Variants in HMGA1 observed in about 807,000 individuals in gnomAD.
HMGA1 encodes high mobility group protein HMG-I/HMG-Y.
A neutral mutation model predicts 15.1 loss-of-function variants in HMGA1; 1 was observed. The observed-to-expected ratio is 0.07, with a 90% confidence interval of 0.02 to 0.31. The LOEUF (loss-of-function observed/expected upper bound fraction) is 0.31, where lower values mean the gene tolerates loss of function less well. Among genes scored for constraint, HMGA1 ranks in the 10% least tolerant of loss-of-function variants. The probability of loss-of-function intolerance (pLI) is 1.00; values close to 1 mark genes in which losing one functional copy is unlikely to be tolerated. For missense variants in HMGA1, 94 were observed against 141.4 expected, an observed-to-expected ratio of 0.66 and a Z score of 1.70; for synonymous variants, 56 against 54.8, an observed-to-expected ratio of 1.02 and a Z score of -0.10.
At position 34,244,823 on chromosome 6, in the gene HMGA1, C is replaced by T; in HGVS notation, c.271-8C>T. ...CAGAGCTCACACCAACAACTGCCCA[C>T]CTCACAGGAGAAGGAGGAAGAGGAG... On this transcript the variant is annotated splice_region_variant and splice_polypyrimidine_tract_variant and intron_variant, in intron 5 of 5. Transcript: ENST00000311487. 2 of 1,570,226 alleles carry T rather than the reference C, an allele frequency of 1.3e-6. No homozygotes were observed. Among genetic ancestry groups the T allele is most frequent in the Non-Finnish European group, 8.6e-7 (1 of 1,157,926 alleles).
chr6:34,240,544 T>G (rs1289904510), intron 2 of HMGA1, 193 bp from the exon 3 acceptor site: 1 of 541,620 alleles, frequency 1.8e-6, no homozygotes, highest in African/African-American at 1.9e-5. Context: ...AGAAGCTGAT[T>G]AGGGCCAACG....
rs1022696724 is a variant in HMGA1 at position 34,238,390 on chromosome 6, C to T, written c.-45+1073C>T. ...TAGCCCTAGCCGCTAGGCGGGTAGG[C>T]AAAGTGTCGGGTTGAAAGGGTCTCC... is the stretch of plus-strand genomic sequence containing the variant. On this transcript the variant is annotated intron_variant, in intron 2 of 5. Transcript: ENST00000311487. Among the ~76,000 whole-genome samples, 9 of 152,160 alleles carry T rather than the reference C, an allele frequency of 5.9e-5. 1 individual carries two copies. Among genetic ancestry groups the T allele is most frequent in the Admixed American group, 5.2e-4 (8 of 15,282 alleles).
chr6:34,240,587 G>A (rs1355519950), intron 2 of HMGA1, 150 bp from the exon 3 acceptor site: 2 of 656,386 alleles, frequency 3.0e-6, no homozygotes, highest in East Asian at 2.8e-5. Flanking sequence ...ATCTGGGGGT[G>A]GGCAGACCCC....
rs551445336 is a variant in HMGA1 at position 34,244,709 on chromosome 6, T to A, written c.271-122T>A. Reference sequence around the variant, plus strand: ...GGAGGTTGCTGAGTCACCCACACACTCAGCCCTGACTCATCCCTCTTCAGG... The same window carrying A: ...GGAGGTTGCTGAGTCACCCACACACACAGCCCTGACTCATCCCTCTTCAGG... On this transcript the variant is annotated intron_variant, in intron 5 of 5. Coordinates refer to ENST00000311487, the MANE Select transcript of HMGA1 (RefSeq NM_145899.3). 6.2e-6 allele frequency: 5 copies of A among 800,068 alleles called. No homozygotes were observed. In the East Asian group the frequency reaches 1.1e-4, roughly 17 times the overall value. The allele number at this position is 800,068 out of a possible 1,614,324, so 49.6% of individuals were successfully genotyped here.
rs368629388 is a variant in HMGA1 at position 34,240,935 on chromosome 6, C to G, written c.135+20C>G. 6.8e-6 allele frequency: 11 copies of G among 1,613,562 alleles called. No individual in the cohort carries two copies. Among genetic ancestry groups the G allele is most frequent in the Non-Finnish European group, 8.5e-6 (10 of 1,179,586 alleles). ...AGTCAGGTGGGTGTCCAAACCTTTG[C>G]TTCACTTGGTTTACCCTTTGGGGCT... On this transcript the variant is annotated intron_variant, in intron 3 of 5. Coordinates refer to ENST00000311487, the MANE Select transcript of HMGA1 (RefSeq NM_145899.3).
intron 2 of HMGA1, among the ~76,000 whole-genome samples, chr6:34,238,512 C>G (rs914620118): frequency 9.2e-5 from 14 of 152,284 alleles, no homozygotes; most frequent in African/African-American, 3.4e-4. Flanking sequence ...GGGAAGAAAA[C>G]AAGGGAACCC....
chr6:34,239,329 G>A lies in HMGA1; in HGVS notation c.-44-1408G>A, dbSNP rs143088602. On this transcript the variant is annotated intron_variant, in intron 2 of 5. Coordinates refer to ENST00000311487, the MANE Select transcript of HMGA1 (RefSeq NM_145899.3). ...CCACCGTATTGTCCAGGCTGGTCTC[G>A]AACTCCTGACCTCAAGCAGTCCTCC... is the stretch of plus-strand genomic sequence containing the variant. Among the ~76,000 whole-genome samples, 956 of 150,516 alleles carry A rather than the reference G, an allele frequency of 6.4e-3. 6 individuals are homozygous for A. The highest frequency in any genetic ancestry group is 0.02 in the African/African-American group (837 of 40,940).
chr6:34,241,066 C>G, intron 3 of HMGA1, 151 bp downstream of exon 3: 4 of 882,068 alleles, frequency 4.5e-6, no homozygotes. Flanking sequence ...TGTGTGTACT[C>G]CTGCCCCACT....
rs1167376993 is a variant in HMGA1 at position 34,245,326 on chromosome 6, A to C, written c.*442A>C. The C allele has an allele frequency of 7.3e-7, 1 of 1,367,354 alleles. No homozygotes were observed. The highest frequency in any genetic ancestry group is 2.2e-5 in the Admixed American group (1 of 45,788). The allele number at this position is 1,367,354 out of a possible 1,614,324, so 84.7% of individuals were successfully genotyped here. On this transcript the variant is annotated 3_prime_UTR_variant, in exon 6 of 6. Transcript: ENST00000311487. Reference sequence around the variant, plus strand: ...CCTGGGAGGGTTCCCCTGGCCTTAAAAGGGGCCCAAGCCCCATCTCATCCT... The same window carrying C: ...CCTGGGAGGGTTCCCCTGGCCTTAACAGGGGCCCAAGCCCCATCTCATCCT...
At position 34,245,414 on chromosome 6, in the gene HMGA1, C is replaced by A; in HGVS notation, c.*530C>A. Reference sequence around the variant, plus strand: ...TGGCCAATGGAGGGGGGTGCTGGCCCCCAGGATTCCCCCAGCCAAACTGTC... The same window carrying A: ...TGGCCAATGGAGGGGGGTGCTGGCCACCAGGATTCCCCCAGCCAAACTGTC... On this transcript the variant is annotated 3_prime_UTR_variant, in exon 6 of 6. Coordinates refer to ENST00000311487, the MANE Select transcript of HMGA1 (RefSeq NM_145899.3). 1 of 1,360,850 alleles carries A rather than the reference C, an allele frequency of 7.3e-7. No homozygotes were observed. Among genetic ancestry groups the A allele is most frequent in the Non-Finnish European group, 9.7e-7 (1 of 1,032,850 alleles). The allele number at this position is 1,360,850 out of a possible 1,614,324, so 84.3% of individuals were successfully genotyped here.
At chr6:34,241,040 G>GGTGTGTCCTCCCACCT in intron 3 of HMGA1, 125 bp downstream of exon 3, 2 of 1,122,230 alleles carry the variant, frequency 1.8e-6, no homozygotes, top group Non-Finnish European at 2.6e-6. Context: ...TAAGCGTGTG[G>GGTGTGTCCTCCCACCT]GTGTGTCCTC....
chr6:34,241,384 T>C (rs952598616), intron 3 of HMGA1, among the ~76,000 whole-genome samples: 2 of 152,240 alleles, frequency 1.3e-5, no homozygotes, highest in African/African-American at 2.4e-5. Context: ...TATGGTCGAT[T>C]CTTGTACTTC....
intron 2 of HMGA1, among the ~76,000 whole-genome samples, chr6:34,238,079 G>T (rs1313070211): frequency 6.6e-6 from 1 of 152,180 alleles, no homozygotes. Context: ...GCGGGGAGGG[G>T]ACGGAGGGAG....
chr6:34,237,870 G>T (rs1430658291), intron 2 of HMGA1, among the ~76,000 whole-genome samples: 1 of 151,826 alleles, frequency 6.6e-6, no homozygotes, highest in Non-Finnish European at 1.5e-5. Context: ...CGCCCCCTCC[G>T]CAGATGAGGC....
chr6:34,245,400 G>C lies in HMGA1; in HGVS notation c.*516G>C. ...GGCAGCAGCAGGTGTGGCCAATGGA[G>C]GGGGGTGCTGGCCCCCAGGATTCCC... is the stretch of plus-strand genomic sequence containing the variant. On this transcript the variant is annotated 3_prime_UTR_variant, in exon 6 of 6. Coordinates refer to ENST00000311487, the MANE Select transcript of HMGA1 (RefSeq NM_145899.3). The C allele has an allele frequency of 4.4e-6, 6 of 1,355,152 alleles. No individual in the cohort carries two copies. Among genetic ancestry groups the C allele is most frequent in the Non-Finnish European group, 5.8e-6 (6 of 1,030,010 alleles). The allele number at this position is 1,355,152 out of a possible 1,614,324, so 83.9% of individuals were successfully genotyped here.
chr6:34,241,291 C>T (rs1440626041), intron 3 of HMGA1, among the ~76,000 whole-genome samples: 1 of 152,176 alleles, frequency 6.6e-6, no homozygotes, highest in African/African-American at 2.4e-5. Flanking sequence ...CAAAAATGAA[C>T]ATAGAAGCCC....
chr6:34,243,634 G>T, intron 5 of HMGA1, 116 bp downstream of exon 5: 1 of 882,044 alleles, frequency 1.1e-6, no homozygotes, highest in Non-Finnish European at 1.9e-6. Context: ...TGACCTGCTG[G>T]GACATCAGAT....
chr6:34,239,384 C>T (rs988521125), intron 2 of HMGA1, among the ~76,000 whole-genome samples: 2 of 152,080 alleles, frequency 1.3e-5, no homozygotes, highest in African/African-American at 4.8e-5. Flanking sequence ...GCTGGGATTA[C>T]AGGCATGAGT....
rs1447942485 is a variant in HMGA1, at chr6:34,242,784, G to A, written c.208G>A (p.Ala70Thr). Residue 70 changes from alanine to threonine, a missense_variant, in exon 4 of 6, where the codon GCC (alanine) becomes ACC (threonine). Physicochemically the swap from Ala to Thr is moderately conservative, Grantham distance 58. Transcript: ENST00000311487. ...AAAGGGAAGCAAAAACAAGGGTGCT[G>A]CCAAGACCCGGGTGAGACTTGAGAT... ...RPKGSKNKGA[A>T]KTRKTTTTPG... The A allele has an allele frequency of 6.3e-7, 1 of 1,587,490 alleles. No individual in the cohort carries two copies. The highest frequency in any genetic ancestry group is 8.6e-7 in the Non-Finnish European group (1 of 1,165,214).
Sources: allele counts gnomAD v4.1 joint callset (sites outside exome capture counted in the v4.1 genomes callset), GRCh38; gene constraint gnomAD v4.1.1; transcripts MANE v1.5; gene names NCBI Gene and HGNC (gene_info 2026-07-23, HGNC 2026-07-21).